SI: variants seen among roughly 807,000 people sequenced by gnomAD.
The protein encoded by SI is sucrase-isomaltase.
In SI, 235 loss-of-function variants were observed where a neutral mutation model predicts 253.3. That is an observed-to-expected ratio of 0.93 (90% CI 0.83 to 1.03). The LOEUF (loss-of-function observed/expected upper bound fraction) is 1.03, where lower values mean the gene tolerates loss of function less well. Ranked by LOEUF, SI falls within the 50% of genes least tolerant of loss-of-function variation. SI has a pLI of 0.00. For synonymous variants in SI, 819 were observed against 712.0 expected (o/e 1.15, Z -2.39); for missense variants, 2,442 against 2,211.1 (o/e 1.10, Z -2.09).
At chr3:165,064,140 T>C (rs1226281270) in intron 7 of SI, among the ~76,000 whole-genome samples, 1 of 151,898 alleles carries the variant, frequency 6.6e-6, no homozygotes, top group Non-Finnish European at 1.5e-5. Flanking sequence ...GGTAATGGCA[T>C]GTTTATCAGT....
chr3:165,039,128 C>A lies in SI; in HGVS notation c.2251G>T (p.Asp751Tyr). 6.3e-7 allele frequency: 1 copy of A among 1,582,920 alleles called. No individual in the cohort carries two copies. The highest frequency in any genetic ancestry group is 8.7e-7 in the Non-Finnish European group (1 of 1,153,686). Residue 751 changes from aspartate (D) to tyrosine (Y), a missense_variant, in exon 20 of 48, where the codon GAT (aspartate) becomes TAT (tyrosine). Asp to Tyr is a radical substitution (Grantham distance 160). Coordinates refer to ENST00000264382, the MANE Select transcript of SI (RefSeq NM_001041.4). The stretch of plus-strand genomic sequence containing the variant: ...TCAGGGATGTAGGCACTCACAGTAT[C>A]TGCTCCCTAAAATAAAGATAATATG... ...LITPVLKQGA[D>Y]TVSAYIPDAI... is the part of the protein sequence containing the mutation.
chr3:164,984,035 G>A (rs935416451), intron 45 of SI, among the ~76,000 whole-genome samples: 6 of 152,036 alleles, frequency 3.9e-5, no homozygotes, highest in African/African-American at 1.4e-4. Flanking sequence ...CCACCGTATA[G>A]AAGAGTAAAG....
intron 45 of SI, among the ~76,000 whole-genome samples, chr3:164,985,188 G>A (rs1717381964): frequency 6.6e-6 from 1 of 152,182 alleles, no homozygotes; most frequent in Admixed American, 6.5e-5. Flanking sequence ...TAGTTGGATA[G>A]GAGGAGCTGG....
chr3:164,998,671 G>A lies in SI; in HGVS notation c.4409C>T (p.Ala1470Val). The A allele has an allele frequency of 6.2e-7, 1 of 1,609,592 alleles. No individual in the cohort carries two copies. Among genetic ancestry groups the A allele is most frequent in the Non-Finnish European group, 8.5e-7 (1 of 1,176,572 alleles). The change falls in exon 38 of 48, where the codon GCA becomes GTA. Residue 1470 changes from alanine to valine, a missense_variant and splice_region_variant. Ala to Val is a moderately conservative substitution (Grantham distance 64, BLOSUM62 0). Coordinates refer to ENST00000264382, the MANE Select transcript of SI (RefSeq NM_001041.4). The part of the protein sequence containing the change: ...GWSQMKPTHD[A>V]LQKTTGKRGI... The stretch of plus-strand genomic sequence containing the variant: ...TCTTTTTCCAGTTGTCTTCTGCAAT[G>A]CACTAATATAGTAGAGAAGTATTTT...
intron 16 of SI, 77 bp downstream of exon 16, chr3:165,046,764 C>G: frequency 2.5e-6 from 3 of 1,223,460 alleles, no homozygotes. Flanking sequence ...GATCATTTTA[C>G]TAAAATTAAT....
intron 37 of SI, among the ~76,000 whole-genome samples, chr3:165,005,331 TA>T (rs748165915): frequency 1.3e-5 from 2 of 151,752 alleles, no homozygotes; most frequent in African/African-American, 2.4e-5. Flanking sequence ...ATTGTATACT[TA>T]AAAAAAACCC....
Position 165,023,559 on chromosome 3 carries a change from A to G in SI, c.3099+11T>C, listed in dbSNP as rs772634833. ...TGAGTTAAGCTTTGGGGTAGTTTATATCAAGCATACCTTAAACTGCAACAT... is the reference window on the plus strand; with the variant it reads ...TGAGTTAAGCTTTGGGGTAGTTTATGTCAAGCATACCTTAAACTGCAACAT... On this transcript the variant is annotated intron_variant, in intron 26 of 47. Transcript: ENST00000264382. The G allele has an allele frequency of 6.3e-7, 1 of 1,597,160 alleles. No individual in the cohort carries two copies. Among genetic ancestry groups the G allele is most frequent in the Admixed American group, 1.7e-5 (1 of 59,644 alleles).
intron 13 of SI, among the ~76,000 whole-genome samples, chr3:165,053,195 A>T (rs1051274731): frequency 1.3e-5 from 2 of 151,912 alleles, no homozygotes; most frequent in African/African-American, 2.4e-5. Flanking sequence ...GAGAATTCAA[A>T]TTTATTATAT....
chr3:164,987,626 T>C (rs1717507566), intron 44 of SI, among the ~76,000 whole-genome samples: 1 of 152,008 alleles, frequency 6.6e-6, no homozygotes, highest in Non-Finnish European at 1.5e-5. Context: ...GGGCAATTGC[T>C]TGAACCCGGG....
rs1462810156 is a variant in SI at position 165,015,251 on chromosome 3, T to C, written c.3889-18A>G. On this transcript the variant is annotated intron_variant, in intron 32 of 47. Transcript: ENST00000264382. ...GCTGGATCCTAAAATTAAAATGAAA[T>C]ATAAACAAGGTACACATGAAAAAAG... The C allele has an allele frequency of 1.3e-6, 2 of 1,565,788 alleles. No homozygotes were observed. Among genetic ancestry groups the C allele is most frequent in the Non-Finnish European group, 8.8e-7 (1 of 1,136,684 alleles).
chr3:165,040,821 A>G (rs1712779213), intron 18 of SI, 119 bp downstream of exon 18: 4 of 761,678 alleles, frequency 5.3e-6, no homozygotes, highest in South Asian at 3.1e-5. Flanking sequence ...ATTTACACCA[A>G]TGTAAAAACA....
intron 3 of SI, among the ~76,000 whole-genome samples, chr3:165,071,140 A>G (rs1453381842): frequency 6.6e-6 from 1 of 152,130 alleles, no homozygotes; most frequent in African/African-American, 2.4e-5. Context: ...ATATTCCCAG[A>G]TAAGCTCATA....
At position 165,015,247 on chromosome 3, in the gene SI, G is replaced by A; in HGVS notation, c.3889-14C>T. 1 of 1,579,328 alleles carries A rather than the reference G, an allele frequency of 6.3e-7. No individual in the cohort carries two copies. The highest frequency in any genetic ancestry group is 8.7e-7 in the Non-Finnish European group (1 of 1,148,926). ...AATTGCTGGATCCTAAAATTAAAAT[G>A]AAATATAAACAAGGTACACATGAAA... is the stretch of plus-strand genomic sequence containing the variant. On this transcript the variant is annotated splice_polypyrimidine_tract_variant and intron_variant, in intron 32 of 47. Transcript: ENST00000264382.
At chr3:164,996,244 A>G (rs545868335) in intron 40 of SI, among the ~76,000 whole-genome samples, 3 of 151,904 alleles carry the variant, frequency 2.0e-5, no homozygotes, top group East Asian at 1.9e-4. Flanking sequence ...TAACCTGTCC[A>G]TCATGCGCAT....
intron 37 of SI, among the ~76,000 whole-genome samples, 171 bp from the exon 38 acceptor site, chr3:164,998,844 A>G (rs978681373): frequency 6.6e-6 from 1 of 151,842 alleles, no homozygotes; most frequent in Non-Finnish European, 1.5e-5. Context: ...TAAAATCCTC[A>G]AAACATAAAG....
intron 37 of SI, among the ~76,000 whole-genome samples, 185 bp from the exon 38 acceptor site, chr3:164,998,858 G>A (rs192797490): frequency 7.3e-4 from 111 of 151,798 alleles, no homozygotes; most frequent in African/African-American, 2.4e-3. Context: ...CATAAAGGAC[G>A]TCTTTTTCCC....
Position 164,994,401 on chromosome 3 carries a change from T to C in SI, c.4697A>G (p.Gln1566Arg), listed in dbSNP as rs765870223. ...AGTTTCATTCCAGGAAGCGGGATCT[T>C]GTCTCTGAAACAAAGCAAAATAACA... ...RNHNIANTRR[Q>R]DPASWNETFA... Residue 1566 changes from glutamine to arginine, a missense_variant, in exon 41 of 48, where the codon CAA becomes CGA. By Grantham distance (43) the Gln-to-Arg change is conservative. Transcript: ENST00000264382. 17 of 1,610,530 alleles carry C rather than the reference T, an allele frequency of 1.1e-5. No homozygotes were observed. The highest frequency in any genetic ancestry group is 1.4e-5 in the Non-Finnish European group (16 of 1,177,522).
intron 43 of SI, 37 bp downstream of exon 43, chr3:164,992,140 T>C (rs747283651): frequency 6.5e-7 from 1 of 1,535,176 alleles, no homozygotes; most frequent in Non-Finnish European, 9.0e-7. Context: ...TACCCGTTTC[T>C]GTTTAGTTAA....
chr3:165,068,903 T>C (rs1180491036), intron 4 of SI, 72 bp from the exon 5 acceptor site: 2 of 1,091,862 alleles, frequency 1.8e-6, no homozygotes, highest in South Asian at 1.3e-5. Flanking sequence ...TATATTTATG[T>C]TATTGTATTT....
Sources: gnomAD v4.1 joint callset for allele counts (sites outside exome capture counted in the v4.1 genomes callset) on GRCh38, gnomAD v4.1.1 for gene constraint, MANE v1.5 for transcripts, NCBI Gene and HGNC (gene_info 2026-07-23, HGNC 2026-07-21) for gene names.